The following NEDD4 variants were observed in gnomAD, a reference collection of about 807,000 sequenced individuals.
NEDD4 encodes E3 ubiquitin-protein ligase NEDD4.
In NEDD4, 99 loss-of-function variants were observed where a neutral mutation model predicts 144.9. That is an observed-to-expected ratio of 0.68 (90% CI 0.58 to 0.81). NEDD4 has a LOEUF of 0.81. NEDD4 is among the 30% of genes least tolerant of loss of function. The pLI is 0.00. For missense variants in NEDD4, 985 were observed against 1,065.9 expected (o/e 0.92, Z 1.06); for synonymous variants, 318 against 350.6 (o/e 0.91, Z 1.04).
chr15:55,916,383 C>T (rs1462776588), intron 5 of NEDD4: 3 of 1,613,942 alleles, frequency 1.9e-6, no homozygotes, highest in Non-Finnish European at 2.5e-6. Flanking sequence ...GTTACTAAGG[C>T]TACCACTACA....
chr15:55,898,631 CTTTTTTTT>C (rs34372143), intron 5 of NEDD4, among the ~76,000 whole-genome samples: 1 of 108,318 alleles, frequency 9.2e-6, no homozygotes, highest in Admixed American at 1.0e-4. Context: ...ACAAAAAGAA[CTTTTTTTT>C]TTTTTTTTTT....
intron 22 of NEDD4, 111 bp from the exon 23 acceptor site, chr15:55,838,291 A>T (rs1595728804): frequency 1.2e-6 from 1 of 804,824 alleles, no homozygotes; most frequent in East Asian, 2.7e-5. Flanking sequence ...TCCAGTCAAA[A>T]GTTAAAAACT....
chr15:55,852,375 G>A, intron 13 of NEDD4, 49 bp downstream of exon 13: 2 of 1,579,212 alleles, frequency 1.3e-6, no homozygotes. Context: ...ACATAGGGAT[G>A]TGACAGTTTA....
At chr15:55,834,909 T>C (rs1015896678) in intron 24 of NEDD4, among the ~76,000 whole-genome samples, 1 of 152,192 alleles carries the variant, frequency 6.6e-6, no homozygotes, top group Non-Finnish European at 1.5e-5. Flanking sequence ...ACACCCATCA[T>C]GGCCTCCTTC....
chr15:55,928,018 ACTAT>A lies in NEDD4; in HGVS notation c.238-3323_238-3320del, dbSNP rs563486845. On this transcript the variant is annotated intron_variant, in intron 4 of 28. Coordinates refer to ENST00000435532, the MANE Select transcript of NEDD4 (RefSeq NM_006154.4). ...GCTTATAACAGGATTCACTACCTCA[ACTAT>A]CTTTTTTTTTCCCTTCTCACTCTGT... Among the ~76,000 whole-genome samples the A allele has an allele frequency of 2.4e-3, 366 of 152,100 alleles. 2 individuals are homozygous for A. The highest frequency in any genetic ancestry group is 8.3e-3 in the African/African-American group (343 of 41,526).
At chr15:55,986,916 T>C (rs2140454056) in intron 1 of NEDD4, among the ~76,000 whole-genome samples, 2 of 152,304 alleles carry the variant, frequency 1.3e-5, no homozygotes, top group South Asian at 4.1e-4. Flanking sequence ...TTCTTAAAAC[T>C]GTCTAGGATA....
chr15:55,943,140 T>C (rs544866722), intron 4 of NEDD4, among the ~76,000 whole-genome samples: 1 of 152,324 alleles, frequency 6.6e-6, no homozygotes, highest in Non-Finnish European at 1.5e-5. Context: ...CATATGCTTA[T>C]ATGCATTCAC....
intron 2 of NEDD4, among the ~76,000 whole-genome samples, chr15:55,961,627 C>T (rs549416253): frequency 6.6e-6 from 1 of 152,060 alleles, no homozygotes; most frequent in Non-Finnish European, 1.5e-5. Flanking sequence ...CCCACCACCA[C>T]ACCCGGATAA....
chr15:55,829,567 G>A lies in NEDD4; in HGVS notation c.*330C>T, dbSNP rs1478017269. The A allele has an allele frequency of 5.5e-6, 1 of 182,292 alleles. No homozygotes were observed. Among genetic ancestry groups the A allele is most frequent in the African/African-American group, 2.4e-5 (1 of 42,202 alleles). The allele number at this position is 182,292 out of a possible 1,614,324, so 11.3% of individuals were successfully genotyped here. The stretch of plus-strand genomic sequence containing the variant: ...ACTGCCTGGCAGATACTATACAAGA[G>A]GTAAATGTTAAGGACAAAATTCACT... On this transcript the variant is annotated 3_prime_UTR_variant, in exon 29 of 29. Coordinates refer to ENST00000435532, the MANE Select transcript of NEDD4 (RefSeq NM_006154.4).
At chr15:55,837,998 A>G in intron 23 of NEDD4, 109 bp downstream of exon 23, 1 of 916,352 alleles carries the variant, frequency 1.1e-6, no homozygotes, top group Non-Finnish European at 1.7e-6. Context: ...ATAGAGAAAA[A>G]GAACACTGAG....
chr15:55,894,017 A>T (rs2035657517), intron 5 of NEDD4, among the ~76,000 whole-genome samples: 1 of 152,038 alleles, frequency 6.6e-6, no homozygotes, highest in African/African-American at 2.4e-5. Context: ...TCTATATGTC[A>T]ATGAGGAAAT....
chr15:55,873,917 AAAAT>A, intron 6 of NEDD4, 37 bp downstream of exon 6: 1 of 1,222,230 alleles, frequency 8.2e-7, no homozygotes, highest in Non-Finnish European at 1.1e-6. Flanking sequence ...TTAAATTAAA[AAAAT>A]AAGCCCAAAA....
rs1595734012 is a variant in NEDD4 at position 55,841,657 on chromosome 15, C to T, written c.1838+277G>A. 3.3e-5 allele frequency among the ~76,000 whole-genome samples: 5 copies of T among 151,892 alleles called. No homozygotes were observed. The South Asian group carries it at 6.2e-4, about 19-fold the overall frequency. On this transcript the variant is annotated intron_variant, in intron 19 of 28. Coordinates refer to ENST00000435532, the MANE Select transcript of NEDD4 (RefSeq NM_006154.4). Reference sequence around the variant, plus strand: ...GAGTGCAGTGGCGTGATCTCGGCTCCGCCTTCCGGGTTCACGCCATTCTCC... The same window carrying T: ...GAGTGCAGTGGCGTGATCTCGGCTCTGCCTTCCGGGTTCACGCCATTCTCC...
intron 11 of NEDD4, among the ~76,000 whole-genome samples, chr15:55,857,886 G>T (rs913710412): frequency 6.6e-6 from 1 of 152,084 alleles, no homozygotes; most frequent in Non-Finnish European, 1.5e-5. Context: ...GTTGCAGTGG[G>T]CTATGATCAT....
intron 7 of NEDD4, among the ~76,000 whole-genome samples, chr15:55,872,170 G>C (rs569543674): frequency 6.6e-6 from 1 of 152,126 alleles, no homozygotes; most frequent in East Asian, 1.9e-4. Context: ...TAAGTATTAG[G>C]AGAACGAATC....
chr15:55,955,587 A>G (rs1048005368), intron 2 of NEDD4, among the ~76,000 whole-genome samples: 22 of 152,032 alleles, frequency 1.4e-4, no homozygotes, highest in Admixed American at 1.1e-3. Flanking sequence ...TGACTGTCTT[A>G]TTTCAGTTAG....
At chr15:55,960,619 C>G (rs2037408987) in intron 2 of NEDD4, among the ~76,000 whole-genome samples, 1 of 152,166 alleles carries the variant, frequency 6.6e-6, no homozygotes, top group Admixed American at 6.5e-5. Context: ...TGGGACATCA[C>G]TTTGTGATCA....
At chr15:55,963,754 G>A (rs2037464288) in intron 2 of NEDD4, among the ~76,000 whole-genome samples, 1 of 152,178 alleles carries the variant, frequency 6.6e-6, no homozygotes, top group African/African-American at 2.4e-5. Flanking sequence ...GGACCTGAGT[G>A]TCTATCTGGT....
intron 12 of NEDD4, among the ~76,000 whole-genome samples, chr15:55,855,369 G>C (rs1204815419): frequency 1.3e-5 from 2 of 152,180 alleles, no homozygotes; most frequent in Admixed American, 6.5e-5. Flanking sequence ...AAGCGGGAGA[G>C]AATCAGGACA....
Sources: allele counts gnomAD v4.1 joint callset (sites outside exome capture counted in the v4.1 genomes callset), GRCh38; gene constraint gnomAD v4.1.1; transcripts MANE v1.5; gene names NCBI Gene and HGNC (gene_info 2026-07-23, HGNC 2026-07-21).